Variants in SH2D1A observed in about 807,000 individuals in gnomAD.
The protein encoded by SH2D1A is SH2 domain-containing protein 1A.
A neutral mutation model predicts 10.1 loss-of-function variants in SH2D1A; 6 were observed. The ratio of observed to expected loss-of-function variants is 0.60; its 90% CI spans 0.33 to 1.18. The LOEUF (loss-of-function observed/expected upper bound fraction) is 1.18. SH2D1A is among the 50% of genes most tolerant of loss of function. The pLI is 0.04. For synonymous variants in SH2D1A, 42 were observed against 36.9 expected, an observed-to-expected ratio of 1.14 and a Z score of -0.51; for missense variants, 51 against 97.6, an observed-to-expected ratio of 0.52 and a Z score of 2.01.
chrX:124,359,133 G>A (rs1259903020), intron 1 of SH2D1A, among the ~76,000 whole-genome samples: 1 of 111,568 alleles, frequency 9.0e-6, no homozygotes, highest in East Asian at 2.8e-4. Flanking sequence ...ATCATGAGAA[G>A]TTTTATGTAC....
chrX:124,358,232 G>T (rs976563732), intron 1 of SH2D1A, among the ~76,000 whole-genome samples: 62 of 111,327 alleles, frequency 5.6e-4, no homozygotes, highest in African/African-American at 1.9e-3. Flanking sequence ...TTATTTAGGG[G>T]TGCTTAGGTT....
intron 1 of SH2D1A, among the ~76,000 whole-genome samples, chrX:124,363,305 C>T (rs2060044659): frequency 9.0e-6 from 1 of 111,631 alleles, no homozygotes; most frequent in Admixed American, 9.5e-5. Flanking sequence ...TGCTCTTCCA[C>T]AAAAGTATAA....
At chrX:124,350,248 ATATAT>A (rs1489284154) in intron 1 of SH2D1A, among the ~76,000 whole-genome samples, 1 of 10,205 alleles carries the variant, frequency 9.8e-5, no homozygotes, top group Non-Finnish European at 1.4e-4. Context: ...ATATTATATA[ATATAT>A]AATATATAAA....
chrX:124,352,814 A>G (rs556559594), intron 1 of SH2D1A, among the ~76,000 whole-genome samples: 3 of 111,407 alleles, frequency 2.7e-5, no homozygotes, highest in Middle Eastern at 4.6e-3. Context: ...ATATGGAGAT[A>G]GAGAGTAAAA....
chrX:124,351,147 T>A (rs2060014046), intron 1 of SH2D1A, among the ~76,000 whole-genome samples: 1 of 100,008 alleles, frequency 1.0e-5, no homozygotes, highest in African/African-American at 3.6e-5. Context: ...ATTGTGTTCT[T>A]GTATTCTTAC....
chrX:124,350,358 A>G (rs2060007690), intron 1 of SH2D1A, among the ~76,000 whole-genome samples: 1 of 27,594 alleles, frequency 3.6e-5, no homozygotes, highest in East Asian at 2.0e-3. Flanking sequence ...TATATTATAT[A>G]TAATATTATA....
At position 124,370,093 on chromosome X, in the gene SH2D1A, C is replaced by A. The variant is rs62604250; in HGVS notation, c.202-83C>A. On this transcript the variant is annotated intron_variant, in intron 2 of 3. Transcript: ENST00000371139. The stretch of plus-strand genomic sequence containing the variant: ...AACAAGTTACACAAATGTTACTTCT[C>A]TTAGCATCCCTAGCACATTTTGTAG... The A allele has an allele frequency of 0.082, 56,907 of 695,535 alleles. 1,892 individuals carry two copies. Among genetic ancestry groups the A allele is most frequent in the Middle Eastern group, 0.14 (432 of 3,165 alleles). The allele number at this position is 695,535 out of a possible 1,213,427, so 57.3% of individuals were successfully genotyped here.
intron 1 of SH2D1A, among the ~76,000 whole-genome samples, chrX:124,362,286 T>C (rs2060041813): frequency 1.8e-5 from 2 of 112,253 alleles, no homozygotes; most frequent in South Asian, 7.4e-4. Flanking sequence ...GGTGGGGCCA[T>C]CACCCTAGCC....
intron 1 of SH2D1A, among the ~76,000 whole-genome samples, chrX:124,356,470 C>T (rs924139777): frequency 2.1e-4 from 23 of 112,113 alleles, no homozygotes; most frequent in East Asian, 8.3e-4. Flanking sequence ...TTTTTTGAGA[C>T]GGAGTCTCTC....
chrX:124,348,431 C>T (rs934766792), intron 1 of SH2D1A, among the ~76,000 whole-genome samples: 6 of 111,474 alleles, frequency 5.4e-5, no homozygotes, highest in Non-Finnish European at 7.5e-5. Flanking sequence ...GCAAGATATA[C>T]CTAAGGCTTC....
chrX:124,356,094 C>T (rs1217427593), intron 1 of SH2D1A, among the ~76,000 whole-genome samples: 2 of 97,214 alleles, frequency 2.1e-5, no homozygotes, highest in Non-Finnish European at 4.1e-5. Context: ...TGATGTTCCC[C>T]TTCCTGTGTC....
At chrX:124,368,052 C>A (rs1267332581) in intron 2 of SH2D1A, among the ~76,000 whole-genome samples, 3 of 111,747 alleles carry the variant, frequency 2.7e-5, no homozygotes, top group Non-Finnish European at 5.6e-5. Flanking sequence ...ATCCCCAATT[C>A]AAATAGCTTC....
intron 3 of SH2D1A, among the ~76,000 whole-genome samples, chrX:124,370,630 T>C (rs1260574807): frequency 1.8e-5 from 2 of 112,075 alleles, no homozygotes; most frequent in Non-Finnish European, 3.8e-5. Context: ...TTCACTTCAC[T>C]AATTCAGACA....
At chrX:124,347,678 A>T (rs939504979) in intron 1 of SH2D1A, among the ~76,000 whole-genome samples, 3 of 111,365 alleles carry the variant, frequency 2.7e-5, no homozygotes, top group East Asian at 2.8e-4. Flanking sequence ...ACCTCATAGG[A>T]TTGTAAGATT....
Position 124,372,631 on chromosome X carries a change from A to T in SH2D1A, c.*1240A>T. 2 of 170,659 alleles carry T rather than the reference A, an allele frequency of 1.2e-5. No individual in the cohort carries two copies. The highest frequency in any genetic ancestry group is 1.1e-5 in the Non-Finnish European group (1 of 88,267). 14.1% of individuals were successfully genotyped at this position (170,659 alleles called of 1,213,427 possible). On this transcript the variant is annotated 3_prime_UTR_variant, in exon 4 of 4. Transcript: ENST00000371139. ...AGATCTGGTCTTTAGAGGCAGATAG[A>T]TAGGTCAGTGCAAATACTCTGGTCC... is the stretch of plus-strand genomic sequence containing the variant.
At chrX:124,370,936 C>T (rs958673355) in intron 3 of SH2D1A, among the ~76,000 whole-genome samples, 50 of 112,060 alleles carry the variant, frequency 4.5e-4, no homozygotes, top group African/African-American at 1.6e-3. Context: ...CTATCTGATA[C>T]GTGACTGTTT....
At chrX:124,367,783 GTGTA>G (rs755045782) in intron 2 of SH2D1A, 2 of 111,878 alleles carry the variant, frequency 1.8e-5, no homozygotes, top group Non-Finnish European at 3.8e-5. Context: ...TCTTTGCCTA[GTGTA>G]TTATCTTATA....
chrX:124,350,288 AAT>A (rs1491502515), intron 1 of SH2D1A, among the ~76,000 whole-genome samples: 1 of 29,019 alleles, frequency 3.4e-5, no homozygotes, highest in African/African-American at 2.3e-4. Context: ...AATATTATAT[AAT>A]ATATAATATA....
chrX:124,358,840 A>AAATC (rs2060032486), intron 1 of SH2D1A, among the ~76,000 whole-genome samples: 1 of 111,793 alleles, frequency 8.9e-6, no homozygotes, highest in Non-Finnish European at 1.9e-5. Context: ...TTCTGATTTA[A>AAATC]CAGGTCTGGG....
Sources: allele counts gnomAD v4.1 joint callset (sites outside exome capture counted in the v4.1 genomes callset), GRCh38; gene constraint gnomAD v4.1.1; transcripts MANE v1.5; gene names NCBI Gene and HGNC (gene_info 2026-07-23, HGNC 2026-07-21).